The following PPP3R1 variants were observed in gnomAD, a reference collection of about 807,000 sequenced individuals.
PPP3R1 encodes protein phosphatase 3 regulatory subunit B, alpha.
In PPP3R1, 5 loss-of-function variants were observed where a neutral mutation model predicts 22.6. The ratio of observed to expected loss-of-function variants is 0.22; its 90% CI spans 0.12 to 0.46. The LOEUF (loss-of-function observed/expected upper bound fraction) is 0.46, where lower values mean the gene tolerates loss of function less well. PPP3R1 is among the 20% of genes least tolerant of loss of function. The probability of loss-of-function intolerance (pLI) is 0.99; values close to 1 mark genes in which losing one functional copy is unlikely to be tolerated. For synonymous variants in PPP3R1, 56 were observed against 65.2 expected (o/e 0.86, Z 0.68); for missense variants, 61 against 203.2 (o/e 0.30, Z 4.25).
intron 1 of PPP3R1, among the ~76,000 whole-genome samples, chr2:68,245,602 T>C (rs1420747986): frequency 6.6e-6 from 1 of 152,262 alleles, no homozygotes; most frequent in Admixed American, 6.5e-5. Context: ...ATCATCAGTT[T>C]CTAACTCTTT....
chr2:68,242,383 G>A (rs567688719), intron 1 of PPP3R1, among the ~76,000 whole-genome samples: 4 of 151,100 alleles, frequency 2.6e-5, no homozygotes, highest in South Asian at 2.1e-4. Flanking sequence ...CCAAGATTGC[G>A]CCACTGCACT....
At chr2:68,205,686 G>A (rs966000782) in intron 2 of PPP3R1, among the ~76,000 whole-genome samples, 1 of 152,188 alleles carries the variant, frequency 6.6e-6, no homozygotes, top group South Asian at 2.1e-4. Flanking sequence ...CAATCCAGAT[G>A]TGGCAATTAG....
chr2:68,187,552 G>C (rs1386029808), intron 3 of PPP3R1, among the ~76,000 whole-genome samples: 2 of 151,952 alleles, frequency 1.3e-5, no homozygotes, highest in African/African-American at 4.8e-5. Context: ...CATTTGTTAA[G>C]TGCAAGATAA....
intron 2 of PPP3R1, among the ~76,000 whole-genome samples, chr2:68,192,053 T>A (rs889309728): frequency 2.0e-5 from 3 of 152,212 alleles, no homozygotes; most frequent in African/African-American, 7.2e-5. Context: ...TTTTAAGTAT[T>A]AATAAGTATT....
chr2:68,237,069 A>AAT (rs1464137544), intron 1 of PPP3R1, among the ~76,000 whole-genome samples: 1 of 152,154 alleles, frequency 6.6e-6, no homozygotes, highest in East Asian at 1.9e-4. Flanking sequence ...CATTCTGTGA[A>AAT]ATAACAAACT....
intron 2 of PPP3R1, among the ~76,000 whole-genome samples, chr2:68,216,477 TAAA>T (rs757456785): frequency 8.7e-5 from 13 of 150,036 alleles, no homozygotes; most frequent in African/African-American, 3.2e-4. Context: ...AATTAAAAAT[TAAA>T]AAAAAAAAAG....
chr2:68,212,135 C>T (rs1382506382), intron 2 of PPP3R1, among the ~76,000 whole-genome samples: 3 of 152,154 alleles, frequency 2.0e-5, no homozygotes, highest in African/African-American at 7.2e-5. Context: ...GGCTGGAGCG[C>T]AGTAGTGTGA....
Position 68,190,851 on chromosome 2 carries a change from A to C in PPP3R1, c.44-2161T>G, listed in dbSNP as rs535170666. On this transcript the variant is annotated intron_variant, in intron 2 of 5. Transcript: ENST00000234310. ...AGTTTCTACTAAAGCAAATAACTTC[A>C]ACCTGCACCATACCTTAAAAGAAGC... 7.9e-5 allele frequency among the ~76,000 whole-genome samples: 12 copies of C among 152,344 alleles called. No homozygotes were observed. In the South Asian group the frequency reaches 2.5e-3, roughly 32 times the overall value.
chr2:68,210,686 G>A (rs542163425), intron 2 of PPP3R1, among the ~76,000 whole-genome samples: 6 of 152,212 alleles, frequency 3.9e-5, no homozygotes, highest in African/African-American at 1.4e-4. Context: ...GAAATTGTTA[G>A]GAGGCTAAAA....
rs374227598 is a variant in PPP3R1 at position 68,181,031 on chromosome 2, T to A, written c.466-21A>T. The stretch of plus-strand genomic sequence containing the variant: ...ACAACCTGCAACAGACAGGAACAAA[T>A]CAAGCTTCACAGTGTCTGAGAAACT... On this transcript the variant is annotated intron_variant, in intron 5 of 5. Coordinates refer to ENST00000234310, the MANE Select transcript of PPP3R1 (RefSeq NM_000945.4). The A allele has an allele frequency of 3.5e-5, 56 of 1,608,452 alleles. No homozygotes were observed. In the African/African-American group the frequency reaches 7.2e-4, roughly 21 times the overall value.
chr2:68,249,662 C>A (rs1333376899), intron 1 of PPP3R1, among the ~76,000 whole-genome samples: 1 of 151,146 alleles, frequency 6.6e-6, no homozygotes, highest in Non-Finnish European at 1.5e-5. Flanking sequence ...AACCTTCATT[C>A]TCCCTGGACG....
In PPP3R1 at chr2:68,252,175, G is replaced by A; in HGVS notation, c.-48C>T. 2 of 1,375,558 alleles carry A rather than the reference G, an allele frequency of 1.5e-6. No homozygotes were observed. The highest frequency in any genetic ancestry group is 3.4e-5 in the East Asian group (1 of 29,316). 85.2% of individuals were successfully genotyped at this position (1,375,558 alleles called of 1,614,324 possible). On this transcript the variant is annotated 5_prime_UTR_variant, in exon 1 of 6. Transcript: ENST00000234310. The stretch of plus-strand genomic sequence containing the variant: ...CGCTGGCTCGCTGGCTCGGAGAAGT[G>A]TTGCGCTCAGGCTGGCTCGCAGGAA...
At chr2:68,232,981 A>G (rs541518801) in intron 1 of PPP3R1, among the ~76,000 whole-genome samples, 33 of 152,330 alleles carry the variant, frequency 2.2e-4, no homozygotes, top group Admixed American at 5.9e-4. Flanking sequence ...ACTATCTACT[A>G]TAATCTACTA....
intron 1 of PPP3R1, among the ~76,000 whole-genome samples, chr2:68,231,188 T>C (rs1421014955): frequency 1.3e-5 from 2 of 152,184 alleles, no homozygotes; most frequent in African/African-American, 4.8e-5. Context: ...GTCTGTTTAC[T>C]GTTGTTCAGA....
chr2:68,226,868 A>C (rs1382377656), intron 1 of PPP3R1, among the ~76,000 whole-genome samples: 2 of 152,128 alleles, frequency 1.3e-5, no homozygotes, highest in African/African-American at 4.8e-5. Flanking sequence ...TTATTCAAGC[A>C]CTTTAGATTT....
At chr2:68,215,439 G>A (rs191136181) in intron 2 of PPP3R1, among the ~76,000 whole-genome samples, 147 of 152,072 alleles carry the variant, frequency 9.7e-4, no homozygotes, top group Non-Finnish European at 1.9e-3. Flanking sequence ...GAAAGCTTCG[G>A]GCTCCAGAGC....
chr2:68,205,488 G>A (rs1212556321), intron 2 of PPP3R1, among the ~76,000 whole-genome samples: 5 of 151,876 alleles, frequency 3.3e-5, no homozygotes, highest in East Asian at 3.9e-4. Flanking sequence ...CACCCACCTC[G>A]GCCTCCCAAA....
chr2:68,233,132 C>T (rs182540235), intron 1 of PPP3R1, among the ~76,000 whole-genome samples: 18 of 152,188 alleles, frequency 1.2e-4, no homozygotes, highest in Admixed American at 7.9e-4. Flanking sequence ...ACTTTGGCTA[C>T]GAATGAGACA....
At chr2:68,212,101 G>C (rs139052394) in intron 2 of PPP3R1, among the ~76,000 whole-genome samples, 24 of 151,934 alleles carry the variant, frequency 1.6e-4, no homozygotes, top group African/African-American at 5.8e-4. Flanking sequence ...TTTTTTTGGA[G>C]ACAAGGTCTC....
Sources: allele counts gnomAD v4.1 joint callset (sites outside exome capture counted in the v4.1 genomes callset), GRCh38; gene constraint gnomAD v4.1.1; transcripts MANE v1.5; gene names NCBI Gene and HGNC (gene_info 2026-07-23, HGNC 2026-07-21).